The following AKAP6 variants were observed in gnomAD, a reference collection of about 807,000 sequenced individuals.
The protein encoded by AKAP6 is A-kinase anchor protein 6.
A neutral mutation model predicts 188.5 loss-of-function variants in AKAP6; 58 were observed. The ratio of observed to expected loss-of-function variants is 0.31; its 90% CI spans 0.25 to 0.38. AKAP6 has a LOEUF of 0.38. Ranked by LOEUF, AKAP6 falls within the 10% of genes least tolerant of loss-of-function variation. AKAP6 has a pLI of 1.00. For synonymous variants in AKAP6, 989 were observed against 998.6 expected, an observed-to-expected ratio of 0.99 and a Z score of 0.18; for missense variants, 2,710 against 2,740.0, an observed-to-expected ratio of 0.99 and a Z score of 0.24.
intron 1 of AKAP6, among the ~76,000 whole-genome samples, chr14:32,383,313 T>C (rs897495829): frequency 2.6e-5 from 4 of 152,158 alleles, no homozygotes; most frequent in Non-Finnish European, 4.4e-5. Flanking sequence ...ATCAAGGCTT[T>C]TTAATAGAAA....
intron 7 of AKAP6, among the ~76,000 whole-genome samples, chr14:32,611,392 C>A (rs1018299919): frequency 6.6e-6 from 1 of 152,060 alleles, no homozygotes; most frequent in Non-Finnish European, 1.5e-5. Context: ...AGTTTGAGAA[C>A]AAAGATTTAG....
At chr14:32,425,657 A>G (rs920408682) in intron 1 of AKAP6, among the ~76,000 whole-genome samples, 1 of 151,650 alleles carries the variant, frequency 6.6e-6, no homozygotes, top group African/African-American at 2.4e-5. Context: ...GGAAGGAAGG[A>G]AGGAAGCTGT....
At chr14:32,352,317 C>T (rs1325805850) in intron 1 of AKAP6, among the ~76,000 whole-genome samples, 1 of 150,934 alleles carries the variant, frequency 6.6e-6, no homozygotes, top group Non-Finnish European at 1.5e-5. Flanking sequence ...TTGGGGGGTA[C>T]AGTGTGATGT....
chr14:32,431,944 A>G (rs1363836501), intron 1 of AKAP6, among the ~76,000 whole-genome samples: 2 of 152,256 alleles, frequency 1.3e-5, no homozygotes, highest in African/African-American at 4.8e-5. Flanking sequence ...TGTCAACTCA[A>G]CAAGTCTTTT....
rs1304393207 is a variant in AKAP6, at chr14:32,462,917, A to C, written c.324+29100A>C. Among the ~76,000 whole-genome samples the C allele has an allele frequency of 2.6e-4, 19 of 74,276 alleles. No individual in the cohort carries two copies. In the African/African-American group the frequency reaches 2.7e-3, roughly 10 times the overall value. The allele number at this position is 74,276 out of a possible 152,430, so 48.7% of individuals were successfully genotyped here. ...AATGGAAAGCAAAAAAAAAAAAAAA[A>C]AAAAAAAAACCCGGGGTTGCAATCC... On this transcript the variant is annotated intron_variant, in intron 2 of 13. Coordinates refer to ENST00000280979, the MANE Select transcript of AKAP6 (RefSeq NM_004274.5).
chr14:32,813,987 C>CTT, intron 12 of AKAP6, among the ~76,000 whole-genome samples: 2 of 151,620 alleles, frequency 1.3e-5, no homozygotes, highest in Non-Finnish European at 2.9e-5. Context: ...ATTCTATGAC[C>CTT]TCTGTGGTTT....
chr14:32,649,702 T>G (rs1403743966), intron 7 of AKAP6, among the ~76,000 whole-genome samples: 1 of 152,212 alleles, frequency 6.6e-6, no homozygotes, highest in African/African-American at 2.4e-5. Flanking sequence ...GGAACAAATG[T>G]GCAATAATAA....
At chr14:32,683,354 T>C (rs966550676) in intron 8 of AKAP6, among the ~76,000 whole-genome samples, 1 of 152,090 alleles carries the variant, frequency 6.6e-6, no homozygotes, top group Non-Finnish European at 1.5e-5. Context: ...TAGAGACTTT[T>C]AGGTTGACAG....
chr14:32,818,138 G>A (rs771702117), intron 12 of AKAP6, among the ~76,000 whole-genome samples: 11 of 152,098 alleles, frequency 7.2e-5, no homozygotes, highest in Admixed American at 2.0e-4. Context: ...AGTCTAAAGT[G>A]AATGATTTTC....
Position 32,668,665 on chromosome 14 carries a change from C to T in AKAP6, c.2731-9646C>T, listed in dbSNP as rs74041658. ...TAAATCATTTATCTTTTGCAGTTGT[C>T]CTGACTTTATTAGACATGAGATTTG... On this transcript the variant is annotated intron_variant, in intron 7 of 13. Transcript: ENST00000280979. 6.0e-3 allele frequency among the ~76,000 whole-genome samples: 914 copies of T among 152,096 alleles called. 11 individuals carry two copies. Among genetic ancestry groups the T allele is most frequent in the African/African-American group, 0.021 (881 of 41,516 alleles).
chr14:32,578,360 A>G (rs775211844), intron 5 of AKAP6, among the ~76,000 whole-genome samples: 2 of 152,104 alleles, frequency 1.3e-5, no homozygotes, highest in Non-Finnish European at 2.9e-5. Context: ...GAATGACAAA[A>G]CTGTGTGGTA....
rs61588258 is a variant in AKAP6, at chr14:32,570,312, CTTTT to C, written c.2347-6800_2347-6797del. On this transcript the variant is annotated intron_variant, in intron 4 of 13. Transcript: ENST00000280979. Reference sequence around the variant, plus strand: ...CGCCCAGCTGATTTTTGTATTTTTTCTTTTTTTTTTTAGCAGAGACAAGGTTTCA... The same window carrying C: ...CGCCCAGCTGATTTTTGTATTTTTTCTTTTTTTAGCAGAGACAAGGTTTCA... Among the ~76,000 whole-genome samples the C allele has an allele frequency of 5.8e-3, 857 of 147,208 alleles. 7 individuals are homozygous for C. Among genetic ancestry groups the C allele is most frequent in the African/African-American group, 0.018 (720 of 40,024 alleles).
At chr14:32,771,998 G>C (rs1262098179) in intron 11 of AKAP6, among the ~76,000 whole-genome samples, 1 of 152,034 alleles carries the variant, frequency 6.6e-6, no homozygotes, top group Non-Finnish European at 1.5e-5. Flanking sequence ...AGTTTGACTT[G>C]CCCAACAGTC....
intron 1 of AKAP6, among the ~76,000 whole-genome samples, chr14:32,408,387 A>G (rs1002549007): frequency 6.6e-6 from 1 of 152,116 alleles, no homozygotes; most frequent in African/African-American, 2.4e-5. Flanking sequence ...AAAAATGATT[A>G]AAAGAAAGGA....
chr14:32,737,582 C>CT (rs528941331), intron 11 of AKAP6, among the ~76,000 whole-genome samples: 120 of 152,184 alleles, frequency 7.9e-4, no homozygotes, highest in African/African-American at 2.8e-3. Context: ...ACTGAAGAAC[C>CT]TTTTTACATA....
At chr14:32,624,018 A>G (rs1886915723) in intron 7 of AKAP6, among the ~76,000 whole-genome samples, 2 of 152,162 alleles carry the variant, frequency 1.3e-5, no homozygotes, top group South Asian at 2.1e-4. Context: ...CAGTGATAAC[A>G]TGAGTAAAAG....
At chr14:32,444,039 C>T (rs1890678550) in intron 2 of AKAP6, among the ~76,000 whole-genome samples, 1 of 152,106 alleles carries the variant, frequency 6.6e-6, no homozygotes. Context: ...CTGGTGGAAA[C>T]ACATTATGAA....
chr14:32,822,999 A>C lies in AKAP6; in HGVS notation c.5186A>C (p.Glu1729Ala), dbSNP rs772739495. The C allele has an allele frequency of 8.1e-6, 13 of 1,613,822 alleles. No homozygotes were observed. The highest frequency in any genetic ancestry group is 2.7e-5 in the African/African-American group (2 of 74,878). ...RKRLTRSVAD[E>A]SDVNVSMIVN... Reference sequence around the variant, plus strand: ...CGTCTGACTCGTTCAGTGGCTGATGAAAGCGATGTCAATGTCAGCATGATT... The same window carrying C: ...CGTCTGACTCGTTCAGTGGCTGATGCAAGCGATGTCAATGTCAGCATGATT... The change falls in exon 13 of 14, where the codon GAA (glutamate) becomes GCA (alanine). Residue 1729 changes from glutamate (E) to alanine (A), a missense_variant. Glu to Ala is a moderately radical substitution (Grantham distance 107). Coordinates refer to ENST00000280979, the MANE Select transcript of AKAP6 (RefSeq NM_004274.5).
In AKAP6 at chr14:32,748,653, A is replaced by G. The variant is rs754278029; in HGVS notation, c.3372+12771A>G. 2.6e-5 allele frequency among the ~76,000 whole-genome samples: 4 copies of G among 152,192 alleles called. No individual in the cohort carries two copies. The East Asian group carries it at 7.7e-4, about 29-fold the overall frequency. ...TGCTTACTACCTAGATAAAACCATA[A>G]GAGAACTTTTTTCCCTCCCAAGACT... is the stretch of plus-strand genomic sequence containing the variant. On this transcript the variant is annotated intron_variant, in intron 11 of 13. Transcript: ENST00000280979.
Sources: gnomAD v4.1 joint callset for allele counts (sites outside exome capture counted in the v4.1 genomes callset) on GRCh38, gnomAD v4.1.1 for gene constraint, MANE v1.5 for transcripts, NCBI Gene and HGNC (gene_info 2026-07-23, HGNC 2026-07-21) for gene names.